EFR3A: variants seen among roughly 807,000 people sequenced by gnomAD.
EFR3A encodes the protein protein EFR3 homolog A.
Under a neutral mutation model 104.4 loss-of-function variants are expected in EFR3A, and 76 were observed. That is an observed-to-expected ratio of 0.73 (90% CI 0.60 to 0.88). The LOEUF is 0.88. Ranked by LOEUF, EFR3A falls within the 40% of genes least tolerant of loss-of-function variation. EFR3A has a pLI of 0.00. For synonymous variants in EFR3A, 330 were observed against 330.0 expected (o/e 1.00, Z 0.00); for missense variants, 985 against 1,012.5 (o/e 0.97, Z 0.37).
chr8:131,919,216 A>G (rs1299787905), intron 1 of EFR3A, among the ~76,000 whole-genome samples: 1 of 152,152 alleles, frequency 6.6e-6, no homozygotes, highest in East Asian at 1.9e-4. Flanking sequence ...AGTATTACTA[A>G]TGCATATTAA....
intron 14 of EFR3A, among the ~76,000 whole-genome samples, chr8:131,982,212 C>T (rs2130745331): frequency 6.6e-6 from 1 of 152,010 alleles, no homozygotes; most frequent in South Asian, 2.1e-4. Context: ...TACATTATGT[C>T]CTTGAACTAT....
chr8:131,972,568 A>C (rs1040264104), intron 10 of EFR3A, among the ~76,000 whole-genome samples: 3 of 152,054 alleles, frequency 2.0e-5, no homozygotes, highest in Non-Finnish European at 4.4e-5. Flanking sequence ...TGACTGTATA[A>C]ATACAGATTC....
chr8:131,937,676 A>G (rs904978136), intron 1 of EFR3A, among the ~76,000 whole-genome samples: 9 of 152,182 alleles, frequency 5.9e-5, no homozygotes, highest in African/African-American at 1.9e-4. Context: ...TAGACATACA[A>G]TTGGGGAAAA....
chr8:131,957,493 G>A (rs1376115635), intron 7 of EFR3A, among the ~76,000 whole-genome samples: 1 of 151,846 alleles, frequency 6.6e-6, no homozygotes, highest in Non-Finnish European at 1.5e-5. Context: ...TTGGATTATA[G>A]GCATGCGCCA....
At chr8:131,922,325 A>G (rs891723238) in intron 1 of EFR3A, among the ~76,000 whole-genome samples, 1 of 152,178 alleles carries the variant, frequency 6.6e-6, no homozygotes, top group African/African-American at 2.4e-5. Context: ...CCTAACCCGA[A>G]AATCTAAAAT....
intron 1 of EFR3A, among the ~76,000 whole-genome samples, chr8:131,929,161 C>G (rs1414290567): frequency 6.6e-6 from 1 of 152,158 alleles, no homozygotes. Context: ...AATTCATTCT[C>G]TCTTCTTGAT....
rs377609870 is a variant in EFR3A at position 131,950,099 on chromosome 8, T to G, written c.488+9T>G. The G allele has an allele frequency of 6.3e-7, 1 of 1,593,258 alleles. No individual in the cohort carries two copies. The highest frequency in any genetic ancestry group is 1.3e-5 in the African/African-American group (1 of 74,330). On this transcript the variant is annotated intron_variant, in intron 5 of 22. Transcript: ENST00000254624. Reference sequence around the variant, plus strand: ...CCAGAAATACGAACAGAGTATGTATTATTTTACTTTATGATCTATAGTAAG... The same window carrying G: ...CCAGAAATACGAACAGAGTATGTATGATTTTACTTTATGATCTATAGTAAG...
chr8:132,000,463 T>TA (rs989396423), intron 19 of EFR3A, among the ~76,000 whole-genome samples: 1 of 152,182 alleles, frequency 6.6e-6, no homozygotes, highest in Non-Finnish European at 1.5e-5. Context: ...AGCTGCATCA[T>TA]AATTATCTGA....
chr8:131,966,095 A>T (rs867027176), intron 8 of EFR3A, among the ~76,000 whole-genome samples: 3 of 152,188 alleles, frequency 2.0e-5, no homozygotes, highest in Non-Finnish European at 1.5e-5. Flanking sequence ...TAGCATTAGG[A>T]GATATACCTA....
chr8:131,948,850 C>T (rs1240724672), intron 4 of EFR3A, among the ~76,000 whole-genome samples: 7 of 152,162 alleles, frequency 4.6e-5, no homozygotes, highest in African/African-American at 1.4e-4. Flanking sequence ...CTTATGTTGT[C>T]AAACATGACC....
intron 2 of EFR3A, 199 bp downstream of exon 2, chr8:131,940,774 G>T: frequency 1.2e-6 from 1 of 848,662 alleles, no homozygotes. Context: ...CCTTTTAGTA[G>T]ATTAGGCACA....
intron 16 of EFR3A, 78 bp from the exon 17 acceptor site, chr8:131,986,116 G>T: frequency 1.0e-5 from 6 of 599,914 alleles, no homozygotes; most frequent in South Asian, 5.4e-5. Flanking sequence ...TTTTTTTTAA[G>T]CTGTTTTCTG....
Position 131,996,421 on chromosome 8 carries a change from C to G in EFR3A, c.2081C>G (p.Ser694Cys), listed in dbSNP as rs759066955. The part of the protein sequence containing the change: ...VPQVTDEDRL[S>C]RRKSIVDTVS... ...TTTATTTTAGATGAAGATCGACTTT[C>G]TAGAAGAAAAAGCATTGTGGACACC... Residue 694 changes from serine (S) to cysteine (C), a missense_variant, in exon 19 of 23, where the codon TCT (serine) becomes TGT (cysteine). Physicochemically the swap from Ser to Cys is moderately radical, Grantham distance 112. Coordinates refer to ENST00000254624, the MANE Select transcript of EFR3A (RefSeq NM_015137.6). 2 of 1,585,576 alleles carry G rather than the reference C, an allele frequency of 1.3e-6. No homozygotes were observed. Among genetic ancestry groups the G allele is most frequent in the East Asian group, 2.3e-5 (1 of 44,034 alleles).
At chr8:131,934,797 A>G (rs984939066) in intron 1 of EFR3A, among the ~76,000 whole-genome samples, 11 of 152,120 alleles carry the variant, frequency 7.2e-5, no homozygotes, top group African/African-American at 2.7e-4. Flanking sequence ...TGTATTACAT[A>G]TATGTGTATA....
intron 17 of EFR3A, 116 bp downstream of exon 17, chr8:131,986,377 AT>A: frequency 2.0e-6 from 1 of 491,682 alleles, no homozygotes. Context: ...ACTAATCATC[AT>A]TTTGTGTCTG....
At chr8:132,003,136 A>T in intron 21 of EFR3A, 100 bp from the exon 22 acceptor site, 1 of 944,528 alleles carries the variant, frequency 1.1e-6, no homozygotes, top group Non-Finnish European at 1.6e-6. Flanking sequence ...TAATCAGCTT[A>T]ATAGTCACAA....
intron 9 of EFR3A, among the ~76,000 whole-genome samples, chr8:131,969,540 G>A (rs1038105381): frequency 6.8e-6 from 1 of 146,656 alleles, no homozygotes; most frequent in Non-Finnish European, 1.5e-5. Context: ...TTTTTTTATC[G>A]TGGGTTTTTT....
chr8:131,910,522 C>CTATAAT (rs1816466161), intron 1 of EFR3A, among the ~76,000 whole-genome samples: 1 of 152,226 alleles, frequency 6.6e-6, no homozygotes, highest in Non-Finnish European at 1.5e-5. Context: ...ATCTGCCTGC[C>CTATAAT]TCGGCCTCGC....
At chr8:131,909,918 G>A (rs1258217286) in intron 1 of EFR3A, among the ~76,000 whole-genome samples, 2 of 152,148 alleles carry the variant, frequency 1.3e-5, no homozygotes, top group Non-Finnish European at 2.9e-5. Context: ...TACTATGCCC[G>A]CAGCCTGGCC....
Sources: gnomAD v4.1 joint callset for allele counts (sites outside exome capture counted in the v4.1 genomes callset) on GRCh38, gnomAD v4.1.1 for gene constraint, MANE v1.5 for transcripts, NCBI Gene and HGNC (gene_info 2026-07-23, HGNC 2026-07-21) for gene names.